NCK2: variants seen among roughly 807,000 people sequenced by gnomAD.
NCK2 encodes cytoplasmic protein NCK2.
Under a neutral mutation model 33.9 loss-of-function variants are expected in NCK2, and 16 were observed. The ratio of observed to expected loss-of-function variants is 0.47; its 90% CI spans 0.32 to 0.72. The LOEUF (loss-of-function observed/expected upper bound fraction) is 0.72. Ranked by LOEUF, NCK2 falls within the 30% of genes least tolerant of loss-of-function variation. The probability of loss-of-function intolerance (pLI) is 0.03; values close to 1 mark genes in which losing one functional copy is unlikely to be tolerated. For missense variants in NCK2, 418 were observed against 537.3 expected (o/e 0.78, Z 2.19); for synonymous variants, 273 against 239.9 (o/e 1.14, Z -1.27).
intron 1 of NCK2, among the ~76,000 whole-genome samples, chr2:105,812,876 C>T (rs531899398): frequency 1.4e-5 from 2 of 147,398 alleles, no homozygotes; most frequent in East Asian, 4.1e-4. Context: ...TGAAAACAAA[C>T]TTGGTGTGTG....
chr2:105,880,936 A>ATTTTTTTTTTTTTTTTTTT lies in NCK2; in HGVS notation c.227-378_227-360dup, dbSNP rs59005322. 4.1e-4 allele frequency among the ~76,000 whole-genome samples: 42 copies of ATTTTTTTTTTTTTTTTTTT among 103,548 alleles called. 1 individual carries two copies. The highest frequency in any genetic ancestry group is 6.2e-4 in the Non-Finnish European group (32 of 51,848). 67.9% of individuals were successfully genotyped at this position (103,548 alleles called of 152,430 possible). On this transcript the variant is annotated intron_variant, in intron 3 of 4. Coordinates refer to ENST00000233154, the MANE Select transcript of NCK2 (RefSeq NM_003581.5). ...CACAGATGTGCACCACAGGTGGCTA[A>ATTTTTTTTTTTTTTTTTTT]TTTTTTTTTTTTTTTTTTTTTTTTT...
chr2:105,745,045 G>T lies in NCK2; in HGVS notation c.-294G>T, dbSNP rs1487561981. 6.8e-6 allele frequency: 1 copy of T among 146,456 alleles called. No individual in the cohort carries two copies. The highest frequency in any genetic ancestry group is 1.5e-5 in the Non-Finnish European group (1 of 65,798). The allele number at this position is 146,456 out of a possible 1,614,324, so 9.1% of individuals were successfully genotyped here. On this transcript the variant is annotated 5_prime_UTR_variant, in exon 1 of 5. Coordinates refer to ENST00000233154, the MANE Select transcript of NCK2 (RefSeq NM_003581.5). The stretch of plus-strand genomic sequence containing the variant: ...CCCGGCGGCGGGAGGAGGGAGCGGC[G>T]CAGACAAAGAGCGGCGCCTGGGCGG...
At chr2:105,780,450 A>G (rs1156458786) in intron 1 of NCK2, among the ~76,000 whole-genome samples, 5 of 152,012 alleles carry the variant, frequency 3.3e-5, no homozygotes, top group Non-Finnish European at 5.9e-5. Flanking sequence ...TCTAATGTTC[A>G]TCCTCAAATC....
At chr2:105,808,814 G>A (rs914275344) in intron 1 of NCK2, among the ~76,000 whole-genome samples, 1 of 152,194 alleles carries the variant, frequency 6.6e-6, no homozygotes, top group South Asian at 2.1e-4. Context: ...TTATATTAAG[G>A]AATTGGTAAT....
intron 2 of NCK2, among the ~76,000 whole-genome samples, chr2:105,847,470 G>A (rs1001832186): frequency 2.0e-5 from 3 of 152,088 alleles, no homozygotes; most frequent in Admixed American, 1.3e-4. Flanking sequence ...GGTGAATGCC[G>A]CTGTAGGGTC....
At chr2:105,856,488 G>T (rs1285753562) in intron 3 of NCK2, among the ~76,000 whole-genome samples, 1 of 152,144 alleles carries the variant, frequency 6.6e-6, no homozygotes, top group Admixed American at 6.5e-5. Flanking sequence ...TTTCTTTTGG[G>T]GAATGGAGAA....
rs536126991 is a variant in NCK2, at chr2:105,894,065, A to G, written c.*889A>G. 2.0e-5 allele frequency: 3 copies of G among 152,686 alleles called. No homozygotes were observed. Among genetic ancestry groups the G allele is most frequent in the Admixed American group, 2.0e-4 (3 of 15,302 alleles). The allele number at this position is 152,686 out of a possible 1,614,324, so 9.5% of individuals were successfully genotyped here. ...TACAGGGAAATTTTTCAGGGTTTAC[A>G]AAAGAGTATGTGATTGGTAGTAAGA... On this transcript the variant is annotated 3_prime_UTR_variant, in exon 5 of 5. Coordinates refer to ENST00000233154, the MANE Select transcript of NCK2 (RefSeq NM_003581.5).
At chr2:105,773,926 T>G (rs4851862) in intron 1 of NCK2, among the ~76,000 whole-genome samples, 1 of 151,856 alleles carries the variant, frequency 6.6e-6, no homozygotes, top group African/African-American at 2.4e-5. Context: ...CAAAACCCTC[T>G]GTTTATAAGA....
At chr2:105,866,893 A>G (rs1222746508) in intron 3 of NCK2, among the ~76,000 whole-genome samples, 1 of 152,172 alleles carries the variant, frequency 6.6e-6, no homozygotes, top group African/African-American at 2.4e-5. Flanking sequence ...AGTGTGGCTT[A>G]TATATTCTGT....
intron 3 of NCK2, among the ~76,000 whole-genome samples, chr2:105,862,073 G>A (rs1677562083): frequency 6.6e-6 from 1 of 152,112 alleles, no homozygotes; most frequent in South Asian, 2.1e-4. Context: ...CTTTAGTTAG[G>A]GTTAGCCTGC....
At chr2:105,808,556 C>T (rs777695593) in intron 1 of NCK2, among the ~76,000 whole-genome samples, 16 of 152,176 alleles carry the variant, frequency 1.1e-4, no homozygotes, top group Non-Finnish European at 1.8e-4. Flanking sequence ...CCAGGAGTAA[C>T]CACCAGTTTA....
rs146321217 is a variant in NCK2 at position 105,866,189 on chromosome 2, C to T, written c.226+10900C>T. 4.3e-3 allele frequency among the ~76,000 whole-genome samples: 648 copies of T among 152,322 alleles called. 3 individuals carry two copies. The highest frequency in any genetic ancestry group is 0.014 in the African/African-American group (589 of 41,580). On this transcript the variant is annotated intron_variant, in intron 3 of 4. Transcript: ENST00000233154. ...TTGGCCTCCCAAAGTGCCGGGATTA[C>T]AGGCGTGAGCCACCGTGGCCAGCTG... is the stretch of plus-strand genomic sequence containing the variant.
intron 1 of NCK2, among the ~76,000 whole-genome samples, chr2:105,746,419 G>A (rs1260979417): frequency 6.6e-6 from 1 of 152,240 alleles, no homozygotes; most frequent in African/African-American, 2.4e-5. Context: ...GTGATTCAGG[G>A]TGTTTTTCAT....
At chr2:105,806,360 C>T (rs934013069) in intron 1 of NCK2, among the ~76,000 whole-genome samples, 2 of 151,724 alleles carry the variant, frequency 1.3e-5, no homozygotes, top group African/African-American at 4.9e-5. Flanking sequence ...GCCTCAGCCT[C>T]CCGAGTAGCT....
At chr2:105,781,219 C>T (rs1401852029) in intron 1 of NCK2, among the ~76,000 whole-genome samples, 1 of 146,916 alleles carries the variant, frequency 6.8e-6, no homozygotes, top group African/African-American at 2.4e-5. Context: ...TTTGCTCCAC[C>T]TTCTACCATT....
chr2:105,892,986 G>T lies in NCK2; in HGVS notation c.953G>T (p.Ser318Ile). The stretch of plus-strand genomic sequence containing the variant: ...TGTGTTCTGTTTCCTCCCCAGCCCA[G>T]CGACTTCTCCGTGTCCCTTAAAGCG... ...FLIRDSESSPSDFSVSLKASG... is the reference protein window; with the variant it reads ...FLIRDSESSPIDFSVSLKASG... Residue 318 changes from serine to isoleucine, a missense_variant, in exon 5 of 5, where the codon AGC (serine) becomes ATC (isoleucine). Ser to Ile is a moderately radical substitution (Grantham distance 142). Transcript: ENST00000233154. 6.2e-7 allele frequency: 1 copy of T among 1,605,944 alleles called. No individual in the cohort carries two copies. The highest frequency in any genetic ancestry group is 1.1e-5 in the South Asian group (1 of 90,916).
chr2:105,804,292 T>C (rs1466476976), intron 1 of NCK2, among the ~76,000 whole-genome samples: 1 of 152,190 alleles, frequency 6.6e-6, no homozygotes, highest in Non-Finnish European at 1.5e-5. Flanking sequence ...TTCTTTGATG[T>C]TTGCACTGGA....
intron 2 of NCK2, among the ~76,000 whole-genome samples, chr2:105,825,517 C>T (rs1176652486): frequency 6.6e-6 from 1 of 152,200 alleles, no homozygotes; most frequent in Admixed American, 6.5e-5. Context: ...GATATGGGAA[C>T]GCTAATAATT....
At chr2:105,794,206 G>C (rs558734371) in intron 1 of NCK2, among the ~76,000 whole-genome samples, 1 of 151,716 alleles carries the variant, frequency 6.6e-6, no homozygotes, top group Admixed American at 6.6e-5. Flanking sequence ...CTGCCACCAC[G>C]CTGGCTAATT....
Sources: gnomAD v4.1 joint callset for allele counts (sites outside exome capture counted in the v4.1 genomes callset) on GRCh38, gnomAD v4.1.1 for gene constraint, MANE v1.5 for transcripts, NCBI Gene and HGNC (gene_info 2026-07-23, HGNC 2026-07-21) for gene names.